SEMA6D: variants seen among roughly 807,000 people sequenced by gnomAD.
The protein encoded by SEMA6D is semaphorin 6D.
SEMA6D carries 35 observed loss-of-function variants against 106.6 expected under a neutral mutation model. The ratio of observed to expected loss-of-function variants is 0.33; its 90% CI spans 0.25 to 0.44. The LOEUF (loss-of-function observed/expected upper bound fraction) is 0.44, where lower values mean the gene tolerates loss of function less well. Among genes scored for constraint, SEMA6D ranks in the 20% least tolerant of loss-of-function variants. The pLI is 1.00. For missense variants in SEMA6D, 1,185 were observed against 1,345.9 expected, an observed-to-expected ratio of 0.88 and a Z score of 1.87; for synonymous variants, 499 against 487.7, an observed-to-expected ratio of 1.02 and a Z score of -0.31.
intron 3 of SEMA6D, among the ~76,000 whole-genome samples, chr15:47,512,821 A>G (rs914510080): frequency 1.3e-5 from 2 of 152,200 alleles, no homozygotes; most frequent in Non-Finnish European, 2.9e-5. Flanking sequence ...TGAGTCAACT[A>G]AGTGTTGAAG....
chr15:47,290,113 A>T (rs2035536885), intron 1 of SEMA6D, among the ~76,000 whole-genome samples: 1 of 152,216 alleles, frequency 6.6e-6, no homozygotes, highest in Non-Finnish European at 1.5e-5. Context: ...ATTATTTTTC[A>T]TCTAAGAAAT....
intron 1 of SEMA6D, among the ~76,000 whole-genome samples, chr15:47,234,320 A>G (rs2032403539): frequency 6.6e-6 from 1 of 151,934 alleles, no homozygotes; most frequent in South Asian, 2.1e-4. Flanking sequence ...TTATACATAC[A>G]TATATAAAAA....
At chr15:47,506,937 T>TGA (rs2044062808) in intron 3 of SEMA6D, among the ~76,000 whole-genome samples, 1 of 151,556 alleles carries the variant, frequency 6.6e-6, no homozygotes, top group Non-Finnish European at 1.5e-5. Flanking sequence ...AAGTCAGGCT[T>TGA]TAGGCATCTA....
At chr15:47,478,223 G>A (rs1596102711) in intron 3 of SEMA6D, among the ~76,000 whole-genome samples, 1 of 152,262 alleles carries the variant, frequency 6.6e-6, no homozygotes, top group East Asian at 1.9e-4. Context: ...TAGCCCCAAA[G>A]GTTAAATGTG....
intron 1 of SEMA6D, among the ~76,000 whole-genome samples, chr15:47,750,181 G>A (rs183508440): frequency 4.6e-5 from 7 of 152,234 alleles, no homozygotes; most frequent in Admixed American, 3.9e-4. Flanking sequence ...TCAAGGTCAG[G>A]GGAATGGCTG....
At chr15:47,469,687 G>A (rs2042772675) in intron 2 of SEMA6D, among the ~76,000 whole-genome samples, 1 of 152,022 alleles carries the variant, frequency 6.6e-6, no homozygotes, top group African/African-American at 2.4e-5. Context: ...AATTAACAAA[G>A]ACATCCTTGA....
At chr15:47,457,709 G>T (rs1265555799) in intron 2 of SEMA6D, among the ~76,000 whole-genome samples, 1 of 151,808 alleles carries the variant, frequency 6.6e-6, no homozygotes, top group African/African-American at 2.4e-5. Flanking sequence ...TACTCAAAAG[G>T]TAAGAGACAT....
At chr15:47,382,352 C>CA (rs1056108117) in intron 1 of SEMA6D, among the ~76,000 whole-genome samples, 11 of 151,466 alleles carry the variant, frequency 7.3e-5, no homozygotes, top group Non-Finnish European at 1.5e-4. Flanking sequence ...ACTAAAAATA[C>CA]AAAAAAAATT....
chr15:47,764,018 A>G lies in SEMA6D; in HGVS notation c.916A>G (p.Ile306Val). ...GCAGTCTATTACAGACATAATACAAATCAATGGCATCCCCACTGTGGTCGG... is the reference window on the plus strand; with the variant it reads ...GCAGTCTATTACAGACATAATACAAGTCAATGGCATCCCCACTGTGGTCGG... ...VLQSITDIIQ[I>V]NGIPTVVGVF... Residue 306 changes from isoleucine to valine, a missense_variant, in exon 10 of 19, where the codon ATC (isoleucine) becomes GTC (valine). Ile to Val is a conservative substitution (Grantham distance 29, BLOSUM62 3). Coordinates refer to ENST00000536845, the MANE Select transcript of SEMA6D (RefSeq NM_001358351.3). 1.2e-6 allele frequency: 2 copies of G among 1,613,936 alleles called. No homozygotes were observed.
intron 1 of SEMA6D, among the ~76,000 whole-genome samples, chr15:47,201,893 G>C (rs1894751125): frequency 6.6e-6 from 1 of 152,066 alleles, no homozygotes; most frequent in Non-Finnish European, 1.5e-5. Flanking sequence ...CCTTATTCCT[G>C]ATGTCAGTTC....
At chr15:47,613,519 A>C (rs189693094) in intron 4 of SEMA6D, among the ~76,000 whole-genome samples, 19 of 152,294 alleles carry the variant, frequency 1.2e-4, no homozygotes. Flanking sequence ...TTAGGGTGAG[A>C]TACTAAGATG....
In SEMA6D at chr15:47,654,383, T is replaced by A. The variant is rs12595184; in HGVS notation, c.-55+53487T>A. ...CATAAATAGTTGATTAGCACATATT[T>A]TGTATGTTATCTGTATTCTATAGTG... On this transcript the variant is annotated intron_variant, in intron 4 of 19. Coordinates refer to the SEMA6D transcript ENST00000558014. 1.6e-3 allele frequency among the ~76,000 whole-genome samples: 249 copies of A among 152,344 alleles called. 7 individuals carry two copies. In the East Asian group the frequency reaches 0.042, roughly 26 times the overall value.
chr15:47,757,534 A>T (rs1046265822), intron 1 of SEMA6D, among the ~76,000 whole-genome samples: 3 of 152,356 alleles, frequency 2.0e-5, no homozygotes, highest in African/African-American at 7.2e-5. Flanking sequence ...TGTCAGCACA[A>T]TGGAAACCAT....
chr15:47,695,507 C>A (rs1172658641), intron 4 of SEMA6D, among the ~76,000 whole-genome samples: 1 of 152,048 alleles, frequency 6.6e-6, no homozygotes, highest in Non-Finnish European at 1.5e-5. Context: ...TACACACACA[C>A]ACGCATAGAC....
At chr15:47,597,855 A>G (rs1031504887) in intron 3 of SEMA6D, among the ~76,000 whole-genome samples, 4 of 149,410 alleles carry the variant, frequency 2.7e-5, no homozygotes, top group African/African-American at 7.3e-5. Flanking sequence ...ATACATATAT[A>G]TATATTATAT....
intron 4 of SEMA6D, among the ~76,000 whole-genome samples, chr15:47,682,402 C>T (rs1019742858): frequency 6.6e-6 from 1 of 152,080 alleles, no homozygotes; most frequent in African/African-American, 2.4e-5. Flanking sequence ...CTCCTGACCT[C>T]ATGATCCGCC....
intron 4 of SEMA6D, among the ~76,000 whole-genome samples, chr15:47,657,768 G>A (rs1215549106): frequency 1.4e-5 from 1 of 73,770 alleles, no homozygotes; most frequent in Non-Finnish European, 2.4e-5. Flanking sequence ...TTGAGACAGA[G>A]TCTTGCTCTG....
At chr15:47,635,878 T>C (rs1361255873) in intron 4 of SEMA6D, among the ~76,000 whole-genome samples, 4 of 150,676 alleles carry the variant, frequency 2.7e-5, no homozygotes, top group African/African-American at 9.8e-5. Flanking sequence ...AAGGTGAGAG[T>C]CAGAAATTCT....
intron 4 of SEMA6D, among the ~76,000 whole-genome samples, chr15:47,627,762 A>G (rs2077227453): frequency 6.6e-6 from 1 of 152,110 alleles, no homozygotes; most frequent in Non-Finnish European, 1.5e-5. Context: ...AATCAGTGTC[A>G]ACACTGGTGC....
Sources: gnomAD v4.1 joint callset for allele counts (sites outside exome capture counted in the v4.1 genomes callset) on GRCh38, gnomAD v4.1.1 for gene constraint, MANE v1.5 for transcripts, NCBI Gene and HGNC (gene_info 2026-07-23, HGNC 2026-07-21) for gene names.